SYTL2: variants seen among roughly 807,000 people sequenced by gnomAD.
SYTL2 encodes the protein synaptotagmin-like protein 2.
In SYTL2, 165 loss-of-function variants were observed where a neutral mutation model predicts 198.7. That is an observed-to-expected ratio of 0.83 (90% CI 0.73 to 0.94). The LOEUF is 0.94. SYTL2 is among the 40% of genes least tolerant of loss of function. SYTL2 has a pLI of 0.00. For missense variants in SYTL2, 2,835 were observed against 2,582.8 expected (o/e 1.10, Z -2.12); for synonymous variants, 966 against 917.7 (o/e 1.05, Z -0.95).
rs2091121020 is a variant in SYTL2 at position 85,745,831 on chromosome 11, C to A, written c.254-59G>T. Reference sequence around the variant, plus strand: ...TCTCTCACCTCCATGACCTACAACTCTCTTATCAGCTCTTATCACTGAAGC... The same window carrying A: ...TCTCTCACCTCCATGACCTACAACTATCTTATCAGCTCTTATCACTGAAGC... On this transcript the variant is annotated intron_variant, in intron 3 of 19. Transcript: ENST00000359152. 4.0e-6 allele frequency: 6 copies of A among 1,501,170 alleles called. No homozygotes were observed. In the South Asian group the frequency reaches 7.6e-5, roughly 19 times the overall value. 93.0% of individuals were successfully genotyped at this position (1,501,170 alleles called of 1,614,324 possible). A position where few individuals can be genotyped will look rare whatever the true frequency, so the allele number is the denominator to read the frequency against.
intron 11 of SYTL2, among the ~76,000 whole-genome samples, chr11:85,716,873 A>T (rs918053196): frequency 6.6e-6 from 1 of 152,198 alleles, no homozygotes; most frequent in Non-Finnish European, 1.5e-5. Context: ...GATGATAGAC[A>T]TTAATTAGTA....
At chr11:85,829,702 T>C in the SYTL2 span, among the ~76,000 whole-genome samples, 2 of 152,198 alleles carry the variant, frequency 1.3e-5, no homozygotes, top group Non-Finnish European at 2.9e-5. Context: ...CTCCACAGCC[T>C]CCCCAGCATC....
At chr11:85,778,452 T>C (rs1592001343) in intron 1 of SYTL2, among the ~76,000 whole-genome samples, 1 of 152,236 alleles carries the variant, frequency 6.6e-6, no homozygotes, top group African/African-American at 2.4e-5. Context: ...TACCCGGTAC[T>C]AATTGCAGAG....
At chr11:85,753,693 A>C (rs758264293) in intron 2 of SYTL2, among the ~76,000 whole-genome samples, 5 of 148,748 alleles carry the variant, frequency 3.4e-5, no homozygotes, top group African/African-American at 1.2e-4. Flanking sequence ...TGAGCCCAGG[A>C]GTTGGAGGCT....
At chr11:85,773,613 T>C (rs909575381) in intron 1 of SYTL2, among the ~76,000 whole-genome samples, 1 of 152,098 alleles carries the variant, frequency 6.6e-6, no homozygotes, top group African/African-American at 2.4e-5. Flanking sequence ...GGAGATGCCA[T>C]GTTCATCTCC....
In SYTL2 at chr11:85,736,266, A is replaced by G. The variant is rs141690356; in HGVS notation, c.586+235T>C. The stretch of plus-strand genomic sequence containing the variant: ...TACTGATGAGGGAATCCAAGACACA[A>G]TGGAAGTCACGTAACAAGTCACAGC... On this transcript the variant is annotated intron_variant, in intron 6 of 19. Coordinates refer to ENST00000359152, the MANE Select transcript of SYTL2 (RefSeq NM_206927.4). 3.3e-4 allele frequency among the ~76,000 whole-genome samples: 51 copies of G among 152,358 alleles called. No individual in the cohort carries two copies. The East Asian group carries it at 7.5e-3, about 22-fold the overall frequency.
intron 14 of SYTL2, chr11:85,708,153 C>CA (rs201488817): frequency 0.092 from 29,471 of 318,804 alleles, 367 homozygotes; most frequent in South Asian, 0.14. Context: ...AACTCCACCT[C>CA]AAAAAAAAAA....
intron 1 of SYTL2, among the ~76,000 whole-genome samples, chr11:85,790,207 G>A (rs1020310278): frequency 6.6e-6 from 1 of 152,104 alleles, no homozygotes; most frequent in African/African-American, 2.4e-5. Flanking sequence ...CACTTGTAGG[G>A]TCATGTCAGG....
chr11:85,697,789 T>G (rs290173), intron 18 of SYTL2, among the ~76,000 whole-genome samples, 190 bp downstream of exon 18: 1 of 152,016 alleles, frequency 6.6e-6, no homozygotes, highest in African/African-American at 2.4e-5. Flanking sequence ...CCTCTTACTT[T>G]ATGATTTTAA....
At chr11:85,805,665 G>T (rs1024962116) in intron 1 of SYTL2, among the ~76,000 whole-genome samples, 2 of 152,222 alleles carry the variant, frequency 1.3e-5, no homozygotes, top group Non-Finnish European at 2.9e-5. Flanking sequence ...AGCTAGTGGT[G>T]CTGGCATCCA....
chr11:85,844,270 T>C, the SYTL2 span, among the ~76,000 whole-genome samples: 1 of 152,208 alleles, frequency 6.6e-6, no homozygotes, highest in Non-Finnish European at 1.5e-5. Flanking sequence ...TCTTAGCTAG[T>C]GTGCTGTATA....
rs773466078 is a variant in SYTL2, at chr11:85,724,673, C to T, written c.4685G>A (p.Ser1562Asn). ...EKAEAPLITE[S>N]AFDAGFEKLL... ...TTTCTCAAAACCAGCATCAAAAGCA[C>T]TCTCAGTTATTAACGGAGCCTCGGC... is the stretch of plus-strand genomic sequence containing the variant. The change falls in exon 8 of 20, where the codon AGT (serine) becomes AAT (asparagine). Residue 1562 changes from serine (S) to asparagine (N), a missense_variant. Ser to Asn is a conservative substitution (Grantham distance 46, BLOSUM62 1). Coordinates refer to ENST00000359152, the MANE Select transcript of SYTL2 (RefSeq NM_206927.4). The T allele has an allele frequency of 2.5e-6, 4 of 1,614,016 alleles. No homozygotes were observed. Among genetic ancestry groups the T allele is most frequent in the Non-Finnish European group, 1.7e-6 (2 of 1,179,978 alleles).
rs1460423344 is a variant in SYTL2 at position 85,696,281 on chromosome 11, G to T, written c.6476C>A (p.Pro2159His). 2.5e-6 allele frequency: 4 copies of T among 1,614,080 alleles called. No homozygotes were observed. Among genetic ancestry groups the T allele is most frequent in the Non-Finnish European group, 3.4e-6 (4 of 1,179,972 alleles). The change falls in exon 19 of 20, where the codon CCT becomes CAT. Residue 2159 changes from proline to histidine, a missense_variant. Physicochemically the swap from Pro to His is moderately conservative, Grantham distance 77. This residue lies in a region of SYTL2 where 185 missense variants were observed against 182.1 expected (regional missense o/e 1.02). Transcript: ENST00000359152. ...TACACAGGCTTCCATCAGATCTTCA[G>T]GCCTGAACCCATCATACACCATAGT... ...NHTMVYDGFR[P>H]EDLMEACVEL...
the SYTL2 span, among the ~76,000 whole-genome samples, chr11:85,833,063 G>T: frequency 2.4e-4 from 9 of 37,968 alleles, no homozygotes; most frequent in African/African-American, 4.3e-4. Flanking sequence ...AAGAAAGAAA[G>T]AAAGAAAGAA....
At chr11:85,810,284 G>A (rs909113537) in intron 1 of SYTL2, among the ~76,000 whole-genome samples, 1 of 152,156 alleles carries the variant, frequency 6.6e-6, no homozygotes, top group Non-Finnish European at 1.5e-5. Flanking sequence ...CAAGGTCAAA[G>A]GGGATTTATA....
rs545406405 is a variant in SYTL2 at position 85,781,406 on chromosome 11, G to A, written c.-389-23292C>T. ...GATTATGAGAACTACAATTCAAGAT[G>A]AGATTAGGGTGGGGACACAGCCAAA... On this transcript the variant is annotated intron_variant, in intron 1 of 19. Coordinates refer to ENST00000359152, the MANE Select transcript of SYTL2 (RefSeq NM_206927.4). Among the ~76,000 whole-genome samples the A allele has an allele frequency of 5.9e-5, 9 of 152,184 alleles. No individual in the cohort carries two copies. The South Asian group carries it at 1.9e-3, about 32-fold the overall frequency.
chr11:85,833,102 G>C, the SYTL2 span, among the ~76,000 whole-genome samples: 3 of 28,240 alleles, frequency 1.1e-4, no homozygotes, highest in African/African-American at 3.7e-4. Flanking sequence ...AAAGAAAGAA[G>C]GAAGGAAGGA....
chr11:85,804,869 T>TA (rs2092937267), intron 1 of SYTL2, among the ~76,000 whole-genome samples: 1 of 152,196 alleles, frequency 6.6e-6, no homozygotes, highest in Non-Finnish European at 1.5e-5. Flanking sequence ...ATTCATAACT[T>TA]ACCTTGAAGA....
At chr11:85,798,442 CAG>C (rs1418148532) in intron 1 of SYTL2, among the ~76,000 whole-genome samples, 1 of 152,176 alleles carries the variant, frequency 6.6e-6, no homozygotes, top group Non-Finnish European at 1.5e-5. Context: ...TTAATATCTT[CAG>C]AGTCTTAGCC....
Sources: allele counts gnomAD v4.1 joint callset (sites outside exome capture counted in the v4.1 genomes callset), GRCh38; gene constraint gnomAD v4.1.1; regional missense constraint gnomAD v4.1.1; transcripts MANE v1.5; gene names NCBI Gene and HGNC (gene_info 2026-07-23, HGNC 2026-07-21).